MALRD1: variants seen among roughly 807,000 people sequenced by gnomAD.
MALRD1 encodes MAM and LDL-receptor class A domain-containing protein 1.
In MALRD1, 247 loss-of-function variants were observed where a neutral mutation model predicts 242.1. The observed-to-expected ratio is 1.02, with a 90% CI of 0.92 to 1.13. The LOEUF is 1.13. Among genes scored for constraint, MALRD1 ranks in the 50% most tolerant of loss-of-function variants. The probability of loss-of-function intolerance (pLI) is 0.00; values close to 1 mark genes in which losing one functional copy is unlikely to be tolerated. For missense variants in MALRD1, 2,989 were observed against 2,533.1 expected, an observed-to-expected ratio of 1.18 and a Z score of -3.86; for synonymous variants, 995 against 866.6, an observed-to-expected ratio of 1.15 and a Z score of -2.60.
intron 2 of MALRD1, among the ~76,000 whole-genome samples, chr10:19,078,061 A>G (rs1290942660): frequency 2.6e-5 from 4 of 151,942 alleles, no homozygotes; most frequent in Non-Finnish European, 4.4e-5. Context: ...AGCAAAAAAA[A>G]TGGTGCATAG....
At chr10:19,705,482 T>G (rs1833819620) in intron 38 of MALRD1, among the ~76,000 whole-genome samples, 1 of 152,136 alleles carries the variant, frequency 6.6e-6, no homozygotes, top group Non-Finnish European at 1.5e-5. Context: ...TTCTCACAGT[T>G]TGAGATCCAC....
rs1838039247 is a variant in MALRD1 at position 19,595,400 on chromosome 10, C to T, written c.5887C>T (p.Leu1963Phe). 3 of 1,550,472 alleles carry T rather than the reference C, an allele frequency of 1.9e-6. No individual in the cohort carries two copies. The African/African-American group carries it at 4.1e-5, about 21-fold the overall frequency. Reference protein sequence around the residue: ...PCSTDECIPSLLLCDGVPDCH... With the variant: ...PCSTDECIPSFLLCDGVPDCH... ...CTCTACAGACGAGTGTATACCTTCC[C>T]TCCTGCTATGCGATGGAGTGCCCGA... The change falls in exon 34 of 40, where the codon CTC (leucine) becomes TTC (phenylalanine). Residue 1963 changes from leucine to phenylalanine, a missense_variant. Leu to Phe is a conservative substitution (Grantham distance 22). Transcript: ENST00000454679.
chr10:19,258,123 G>A (rs573720943), intron 19 of MALRD1, among the ~76,000 whole-genome samples: 5 of 151,874 alleles, frequency 3.3e-5, no homozygotes, highest in South Asian at 2.1e-4. Flanking sequence ...TTAACCTCTC[G>A]GATTACTCTC....
At chr10:19,572,704 G>C (rs571819888) in intron 33 of MALRD1, among the ~76,000 whole-genome samples, 5 of 152,278 alleles carry the variant, frequency 3.3e-5, no homozygotes, top group African/African-American at 1.2e-4. Context: ...TTGAAGTACG[G>C]TGGGCCCTAA....
chr10:19,405,245 A>G (rs1847041509), intron 28 of MALRD1, among the ~76,000 whole-genome samples: 1 of 152,174 alleles, frequency 6.6e-6, no homozygotes, highest in Admixed American at 6.6e-5. Context: ...AAATATGAAC[A>G]AAATTATTAC....
At chr10:19,630,664 G>C (rs1360005998) in intron 36 of MALRD1, among the ~76,000 whole-genome samples, 1 of 152,064 alleles carries the variant, frequency 6.6e-6, no homozygotes, top group African/African-American at 2.4e-5. Flanking sequence ...TGTAAGTTAT[G>C]ATGTATTGTC....
intron 18 of MALRD1, among the ~76,000 whole-genome samples, chr10:19,222,419 T>A (rs539689113): frequency 6.6e-6 from 1 of 152,262 alleles, no homozygotes; most frequent in South Asian, 2.1e-4. Flanking sequence ...CATTTTGGAA[T>A]TTGCAGAAAT....
At chr10:19,139,888 A>G (rs889310401) in intron 10 of MALRD1, among the ~76,000 whole-genome samples, 6 of 152,274 alleles carry the variant, frequency 3.9e-5, no homozygotes, top group Non-Finnish European at 5.9e-5. Flanking sequence ...GAACCACTGT[A>G]CCAAAGAGGC....
chr10:19,209,145 A>G (rs191008446), intron 17 of MALRD1, 123 bp from the exon 18 acceptor site: 167 of 851,164 alleles, frequency 2.0e-4, no homozygotes, highest in Non-Finnish European at 2.5e-4. Context: ...TTTAAAAATA[A>G]AATGGCTTAC....
chr10:19,343,613 G>T (rs533656137), intron 24 of MALRD1, among the ~76,000 whole-genome samples: 1 of 152,166 alleles, frequency 6.6e-6, no homozygotes, highest in Admixed American at 6.6e-5. Flanking sequence ...TTGAGAATAG[G>T]TCTTAAAGAT....
chr10:19,250,217 CTTA>C (rs1449452420), intron 18 of MALRD1, among the ~76,000 whole-genome samples: 3 of 151,802 alleles, frequency 2.0e-5, no homozygotes, highest in African/African-American at 7.3e-5. Context: ...CTTATTATAC[CTTA>C]TTATCTCATT....
chr10:19,509,288 A>C (rs765204291), intron 31 of MALRD1, among the ~76,000 whole-genome samples: 7 of 152,192 alleles, frequency 4.6e-5, no homozygotes, highest in Non-Finnish European at 8.8e-5. Flanking sequence ...AAAACAAGCA[A>C]GTTAGAGAAA....
chr10:19,567,772 G>T, intron 33 of MALRD1, 69 bp downstream of exon 33: 1 of 1,309,870 alleles, frequency 7.6e-7, no homozygotes, highest in Admixed American at 2.1e-5. Flanking sequence ...AAAGATTTGG[G>T]AATTTCTGAG....
At position 19,324,067 on chromosome 10, in the gene MALRD1, T is replaced by A. The variant is rs755801054; in HGVS notation, c.3538T>A (p.Trp1180Arg). Residue 1180 changes from tryptophan (W) to arginine (R), a missense_variant, in exon 22 of 40, where the codon TGG (tryptophan) becomes AGG (arginine). Coordinates refer to ENST00000454679, the MANE Select transcript of MALRD1 (RefSeq NM_001142308.3). ...LTGPKCTLVF[W>R]THMNGATVGS... The stretch of plus-strand genomic sequence containing the variant: ...GGGACCAAAATGTACCTTGGTGTTC[T>A]GGACACATATGAATGGGGCCACCGT... 55 of 1,550,538 alleles carry A rather than the reference T, an allele frequency of 3.5e-5. No homozygotes were observed. The highest frequency in any genetic ancestry group is 4.4e-5 in the Non-Finnish European group (50 of 1,146,846).
chr10:19,350,177 A>AT (rs953271456), intron 25 of MALRD1, among the ~76,000 whole-genome samples: 29 of 150,602 alleles, frequency 1.9e-4, no homozygotes, highest in East Asian at 5.9e-4. Context: ...GAGATAATCA[A>AT]TTTTTTTTTC....
intron 21 of MALRD1, among the ~76,000 whole-genome samples, chr10:19,288,815 A>G (rs982117428): frequency 6.6e-6 from 1 of 152,064 alleles, no homozygotes; most frequent in African/African-American, 2.4e-5. Flanking sequence ...AAAACTTCAC[A>G]ACCCCCAGAC....
chr10:19,442,497 A>G (rs1265790981), intron 28 of MALRD1, among the ~76,000 whole-genome samples: 2 of 152,146 alleles, frequency 1.3e-5, no homozygotes, highest in African/African-American at 2.4e-5. Context: ...CATCCCATCA[A>G]TACCTAATTT....
intron 28 of MALRD1, among the ~76,000 whole-genome samples, chr10:19,445,360 A>G (rs192261479): frequency 2.0e-3 from 302 of 152,244 alleles, no homozygotes; most frequent in African/African-American, 6.8e-3. Context: ...GCTGACTAGG[A>G]GCTGCGTTCC....
At chr10:19,121,132 C>T (rs1230510872) in intron 5 of MALRD1, among the ~76,000 whole-genome samples, 2 of 150,548 alleles carry the variant, frequency 1.3e-5, no homozygotes, top group Non-Finnish European at 2.9e-5. Flanking sequence ...CAACCTCCGC[C>T]TCCTGGGTTC....
Sources: allele counts gnomAD v4.1 joint callset (sites outside exome capture counted in the v4.1 genomes callset), GRCh38; gene constraint gnomAD v4.1.1; transcripts MANE v1.5; gene names NCBI Gene and HGNC (gene_info 2026-07-23, HGNC 2026-07-21).